Variants in WDR59 observed in about 807,000 individuals in gnomAD.
The protein encoded by WDR59 is GATOR2 complex protein WDR59.
In WDR59, 100 loss-of-function variants were observed where a neutral mutation model predicts 131.2. The ratio of observed to expected loss-of-function variants is 0.76; its 90% confidence interval spans 0.65 to 0.90. The LOEUF (loss-of-function observed/expected upper bound fraction) is 0.90. WDR59 is among the 40% of genes least tolerant of loss of function. The probability of loss-of-function intolerance (pLI) is 0.00; values close to 1 mark genes in which losing one functional copy is unlikely to be tolerated. For synonymous variants in WDR59, 601 were observed against 466.2 expected (o/e 1.29, Z -3.72); for missense variants, 1,203 against 1,262.2 (o/e 0.95, Z 0.71).
intron 18 of WDR59, among the ~76,000 whole-genome samples, chr16:74,897,197 T>G (rs1307185377): frequency 1.3e-5 from 2 of 152,182 alleles, no homozygotes; most frequent in African/African-American, 4.8e-5. Flanking sequence ...GTGACTCTGT[T>G]CTGCTCAGCC....
chr16:74,933,300 T>C (rs1419718584), intron 8 of WDR59, among the ~76,000 whole-genome samples: 1 of 152,118 alleles, frequency 6.6e-6, no homozygotes, highest in Non-Finnish European at 1.5e-5. Flanking sequence ...AGATCCTGTC[T>C]CTAAAAAAGA....
rs2031665640 is a variant in WDR59 at position 74,934,751 on chromosome 16, C to T, written c.651+3399G>A. 2.6e-5 allele frequency among the ~76,000 whole-genome samples: 4 copies of T among 152,132 alleles called. No individual in the cohort carries two copies. The South Asian group carries it at 8.3e-4, about 32-fold the overall frequency. Reference sequence around the variant, plus strand: ...CTGCTTGAGCCCAGGAGTTCAAAACCAGCCTGGGCAAGACAGTGAAACAAA... The same window carrying T: ...CTGCTTGAGCCCAGGAGTTCAAAACTAGCCTGGGCAAGACAGTGAAACAAA... On this transcript the variant is annotated intron_variant, in intron 8 of 25. Coordinates refer to ENST00000262144, the MANE Select transcript of WDR59 (RefSeq NM_030581.4).
chr16:74,909,726 C>T (rs1023135563), intron 15 of WDR59, 69 bp from the exon 16 acceptor site: 6 of 1,559,014 alleles, frequency 3.8e-6, no homozygotes, highest in Non-Finnish European at 5.2e-6. Context: ...AATAAAGACC[C>T]AGTATGACAA....
chr16:74,952,118 C>G (rs2033037414), intron 3 of WDR59, among the ~76,000 whole-genome samples: 1 of 151,828 alleles, frequency 6.6e-6, no homozygotes. Flanking sequence ...ACTGCGCCAT[C>G]ACAACTGGGT....
At chr16:74,933,380 T>G (rs1263044214) in intron 8 of WDR59, among the ~76,000 whole-genome samples, 1 of 152,198 alleles carries the variant, frequency 6.6e-6, no homozygotes, top group Non-Finnish European at 1.5e-5. Flanking sequence ...CATCATTTGT[T>G]TAAAACAGTA....
At chr16:74,929,268 G>A (rs1404810724) in intron 8 of WDR59, among the ~76,000 whole-genome samples, 4 of 152,064 alleles carry the variant, frequency 2.6e-5, no homozygotes, top group Non-Finnish European at 5.9e-5. Flanking sequence ...GTAGAGACGG[G>A]GTTTCACTGT....
intron 20 of WDR59, among the ~76,000 whole-genome samples, 173 bp from the exon 21 acceptor site, chr16:74,889,988 T>G (rs1964960175): frequency 6.6e-6 from 1 of 152,166 alleles, no homozygotes; most frequent in Non-Finnish European, 1.5e-5. Context: ...ACCTACTGAA[T>G]CAGCGTTTAC....
rs564879304 is a variant in WDR59, at chr16:74,903,833, G to A, written c.1866+114C>T. On this transcript the variant is annotated intron_variant, in intron 18 of 25. Transcript: ENST00000262144. ...TGACTTTCTTGAACAAACTGATTAC[G>A]AAAGTGAAAGGCTACAGGGTGATTA... 165 of 1,300,392 alleles carry A rather than the reference G, an allele frequency of 1.3e-4. 1 individual carries two copies. The South Asian group carries it at 2.3e-3, about 18-fold the overall frequency. 80.6% of individuals were successfully genotyped at this position (1,300,392 alleles called of 1,614,324 possible).
chr16:74,886,243 G>A lies in WDR59; in HGVS notation c.2546+27C>T, dbSNP rs201157422. The A allele has an allele frequency of 1.3e-3, 2,161 of 1,601,978 alleles. 2 individuals carry two copies. The highest frequency in any genetic ancestry group is 1.6e-3 in the Non-Finnish European group (1,880 of 1,172,720). On this transcript the variant is annotated intron_variant, in intron 24 of 25. Coordinates refer to ENST00000262144, the MANE Select transcript of WDR59 (RefSeq NM_030581.4). ...GAGTCCTGCCTGGAGTCCTGGCATT[G>A]CAGCTCTCACCTGGGAGGGTGGTTA... is the stretch of plus-strand genomic sequence containing the variant.
chr16:74,888,230 G>A lies in WDR59; in HGVS notation c.2285C>T (p.Pro762Leu). The A allele has an allele frequency of 1.2e-6, 2 of 1,614,088 alleles. No homozygotes were observed. Among genetic ancestry groups the A allele is most frequent in the Non-Finnish European group, 1.7e-6 (2 of 1,179,990 alleles). The change falls in exon 22 of 26, where the codon CCA becomes CTA. Residue 762 changes from proline (P) to leucine (L), a missense_variant. Transcript: ENST00000262144. ...GTTAGGAAAAGGCCCAAAGGGGTTT[G>A]GTAGCCCCTGAGGCCGAGACTGGGC... ...FEAQSRPQGL[P>L]NPFGPFPNRS...
chr16:74,889,707 A>C lies in WDR59; in HGVS notation c.2191T>G (p.Ser731Ala). 1 of 1,612,834 alleles carries C rather than the reference A, an allele frequency of 6.2e-7. No homozygotes were observed. The highest frequency in any genetic ancestry group is 8.5e-7 in the Non-Finnish European group (1 of 1,179,586). Residue 731 changes from serine to alanine, a missense_variant, in exon 21 of 26, where the codon TCC (serine) becomes GCC (alanine). Coordinates refer to ENST00000262144, the MANE Select transcript of WDR59 (RefSeq NM_030581.4). ...TTTTTAGCTCTCAAAACCTACAGGG[A>C]CTCCAGCAGCTGCCGCCCAAATGGA... ...RHPFGRQLLE[S>A]LLAHYCRLRD...
chr16:74,887,780 A>G, intron 22 of WDR59, 25 bp from the exon 23 acceptor site: 1 of 1,603,836 alleles, frequency 6.2e-7, no homozygotes, highest in South Asian at 1.1e-5. Flanking sequence ...AGAAGAACCA[A>G]CAGGACTAGC....
At chr16:74,931,110 A>G (rs985141265) in intron 8 of WDR59, among the ~76,000 whole-genome samples, 6 of 152,064 alleles carry the variant, frequency 3.9e-5, no homozygotes, top group Admixed American at 2.0e-4. Context: ...TTATCACAGT[A>G]TAAACATTGA....
At chr16:74,941,192 T>C (rs2032190821) in intron 7 of WDR59, among the ~76,000 whole-genome samples, 1 of 151,294 alleles carries the variant, frequency 6.6e-6, no homozygotes, top group Non-Finnish European at 1.5e-5. Flanking sequence ...TTTTTTTTAA[T>C]TGGCTGGGTG....
chr16:74,968,015 G>A (rs900876729), intron 1 of WDR59, among the ~76,000 whole-genome samples: 4 of 152,090 alleles, frequency 2.6e-5, no homozygotes, highest in African/African-American at 7.2e-5. Flanking sequence ...GATGGAGCTC[G>A]GAAACATGCT....
intron 19 of WDR59, among the ~76,000 whole-genome samples, chr16:74,892,771 C>A (rs142201405): frequency 6.6e-6 from 1 of 152,192 alleles, no homozygotes; most frequent in Non-Finnish European, 1.5e-5. Context: ...GGGTTCCAGC[C>A]TGGGGAACTT....
intron 1 of WDR59, among the ~76,000 whole-genome samples, chr16:74,968,217 T>C (rs922450945): frequency 3.9e-5 from 6 of 152,074 alleles, no homozygotes; most frequent in African/African-American, 1.2e-4. Flanking sequence ...GACTGAGAGA[T>C]TTAGTCTCAT....
chr16:74,892,421 A>T, intron 20 of WDR59, 63 bp downstream of exon 20: 1 of 1,353,836 alleles, frequency 7.4e-7, no homozygotes. Context: ...TGCCAATGAC[A>T]AAGTAAAAAC....
chr16:74,911,958 G>T lies in WDR59; in HGVS notation c.1389+240C>A, dbSNP rs1044095811. ...ATTGTGCAGATTTTTCTGAGGAAGG[G>T]TCCATAATTTTCATTAGAATTCAAA... On this transcript the variant is annotated intron_variant, in intron 14 of 25. Transcript: ENST00000262144. 4.3e-5 allele frequency: 24 copies of T among 555,454 alleles called. 1 individual carries two copies. The Admixed American group carries it at 6.8e-4, about 16-fold the overall frequency. 34.4% of individuals were successfully genotyped at this position (555,454 alleles called of 1,614,324 possible).
Sources: gnomAD v4.1 joint callset for allele counts (sites outside exome capture counted in the v4.1 genomes callset) on GRCh38, gnomAD v4.1.1 for gene constraint, MANE v1.5 for transcripts, NCBI Gene and HGNC (gene_info 2026-07-23, HGNC 2026-07-21) for gene names.